The following ZDHHC18 variants were observed in gnomAD, a reference collection of about 807,000 sequenced individuals.
The protein encoded by ZDHHC18 is palmitoyltransferase ZDHHC18.
A neutral mutation model predicts 37.5 loss-of-function variants in ZDHHC18; 23 were observed. That is an observed-to-expected ratio of 0.61 (90% CI 0.44 to 0.87). The LOEUF is 0.87. ZDHHC18 is among the 40% of genes least tolerant of loss of function. ZDHHC18 has a pLI of 0.00. For synonymous variants in ZDHHC18, 185 were observed against 218.7 expected (o/e 0.85, Z 1.36); for missense variants, 406 against 525.6 (o/e 0.77, Z 2.22).
chr1:26,846,958 T>C (rs6686271), intron 2 of ZDHHC18, among the ~76,000 whole-genome samples: 29,023 of 151,386 alleles, frequency 0.19, 3,260 homozygotes, highest in African/African-American at 0.31. Context: ...TGCAGTGGCA[T>C]GATCTCGGCT....
At chr1:26,829,984 G>A (rs2081580486) in intron 1 of ZDHHC18, among the ~76,000 whole-genome samples, 1 of 152,228 alleles carries the variant, frequency 6.6e-6, no homozygotes, top group Admixed American at 6.5e-5. Flanking sequence ...GACACTGAGC[G>A]CCCACTGGTT....
In ZDHHC18 at chr1:26,851,204, C is replaced by T. The variant is rs190356204; in HGVS notation, c.909C>T (p.Val303=). The change falls in exon 6 of 8, where the codon GTC becomes GTT. Residue 303 remains valine, a synonymous_variant. Coordinates refer to ENST00000374142, the MANE Select transcript of ZDHHC18 (RefSeq NM_032283.3). The stretch of plus-strand genomic sequence containing the variant: ...TCTCAGGGTTTCACACGTACCTCGT[C>T]GCCTCCAACCTGACTACTAATGAAG... The part of the protein sequence containing the change: ...LGLSGFHTYL[V]ASNLTTNEDI... The T allele has an allele frequency of 5.4e-5, 87 of 1,614,192 alleles. No individual in the cohort carries two copies. In the East Asian group the frequency reaches 8.2e-4, roughly 15 times the overall value.
intron 2 of ZDHHC18, among the ~76,000 whole-genome samples, chr1:26,842,720 G>T (rs945030636): frequency 6.6e-6 from 1 of 152,246 alleles, no homozygotes; most frequent in African/African-American, 2.4e-5. Context: ...AGTCAAGGTG[G>T]TGATGAAACA....
At position 26,855,164 on chromosome 1, in the gene ZDHHC18, T is replaced by G. The variant is rs916172048; in HGVS notation, c.*1321T>G. 2.6e-5 allele frequency: 4 copies of G among 152,250 alleles called. No individual in the cohort carries two copies. In the East Asian group the frequency reaches 7.7e-4, roughly 29 times the overall value. The allele number at this position is 152,250 out of a possible 1,614,324, so 9.4% of individuals were successfully genotyped here. ...ACAGGCTGAGCCTGGGCGTGGTGGG[T>G]GGGGTGATGGCTCTGGGGAGCGGCT... On this transcript the variant is annotated 3_prime_UTR_variant, in exon 8 of 8. Transcript: ENST00000374142.
At chr1:26,835,811 GT>G (rs2081608989) in intron 2 of ZDHHC18, among the ~76,000 whole-genome samples, 1 of 152,218 alleles carries the variant, frequency 6.6e-6, no homozygotes, top group African/African-American at 2.4e-5. Flanking sequence ...TGCTGTTCAT[GT>G]GAGCATGAAC....
chr1:26,846,395 C>T (rs1461956586), intron 2 of ZDHHC18, among the ~76,000 whole-genome samples: 1 of 129,294 alleles, frequency 7.7e-6, no homozygotes, highest in Admixed American at 8.9e-5. Context: ...GGCCCAATCT[C>T]GGCTCACTGC....
chr1:26,827,895 C>A (rs2081566179), intron 1 of ZDHHC18, among the ~76,000 whole-genome samples: 1 of 152,170 alleles, frequency 6.6e-6, no homozygotes, highest in South Asian at 2.1e-4. Context: ...AGGCCCCTGG[C>A]CCCCCTGCTG....
chr1:26,843,388 G>A (rs1032441842), intron 2 of ZDHHC18, among the ~76,000 whole-genome samples: 2 of 149,460 alleles, frequency 1.3e-5, no homozygotes, highest in South Asian at 2.2e-4. Context: ...TGATCCACCC[G>A]TCTCAGCCTC....
chr1:26,831,853 C>T (rs12760759), intron 1 of ZDHHC18, among the ~76,000 whole-genome samples: 8,584 of 152,234 alleles, frequency 0.056, 309 homozygotes, highest in Non-Finnish European at 0.079. Context: ...GGATTGTCTC[C>T]TTCAGGTTGC....
rs2081559719 is a variant in ZDHHC18, at chr1:26,826,921, GCCCGCCGCCCCCGC to G, written c.126_139del (p.Pro43LeufsTer65). On this transcript the variant is annotated frameshift_variant, in exon 1 of 8. Transcript: ENST00000374142. LOFTEE classifies it high-confidence loss of function. This position sits in a 1 kb window ranked among gnomAD's most constrained non-coding sequence, Gnocchi z 5.2. ...CGACTCCGGGCCCCGGGCCCGCGCC[GCCCGCCGCCCCCGC>G]CCCGCCGCGCTGGAGCAGCAGCGGC... is the stretch of plus-strand genomic sequence containing the variant. 2.0e-6 allele frequency: 2 copies of G among 1,017,528 alleles called. No homozygotes were observed. The highest frequency in any genetic ancestry group is 5.9e-5 in the Admixed American group (1 of 16,856). The allele number at this position is 1,017,528 out of a possible 1,614,324, so 63.0% of individuals were successfully genotyped here.
chr1:26,853,540 C>G (rs770857232), intron 7 of ZDHHC18, among the ~76,000 whole-genome samples, 186 bp from the exon 8 acceptor site: 2 of 152,218 alleles, frequency 1.3e-5, no homozygotes, highest in Non-Finnish European at 2.9e-5. Flanking sequence ...GCCAGGTGGC[C>G]AGAGGGCAGA....
rs533766191 is a variant in ZDHHC18 at position 26,835,947 on chromosome 1, G to A, written c.496+3340G>A. ...CCCTGTGGGGACAGTCTGAGGTAGA[G>A]TGACCAGCTCCTCCCAGTTTACCCA... On this transcript the variant is annotated intron_variant, in intron 2 of 7. Transcript: ENST00000374142. Among the ~76,000 whole-genome samples, 6 of 152,260 alleles carry A rather than the reference G, an allele frequency of 3.9e-5. No homozygotes were observed. The South Asian group carries it at 1.2e-3, about 32-fold the overall frequency.
At chr1:26,846,371 G>A in intron 2 of ZDHHC18, among the ~76,000 whole-genome samples, 1 of 117,084 alleles carries the variant, frequency 8.5e-6, no homozygotes, top group Non-Finnish European at 1.6e-5. Context: ...CTGTCTCCCA[G>A]GCTGGAGTGC....
Position 26,826,774 on chromosome 1 carries a change from G to T in ZDHHC18, c.-31G>T. On this transcript the variant is annotated 5_prime_UTR_variant, in exon 1 of 8. Transcript: ENST00000374142. This position sits in a 1 kb window ranked among gnomAD's most constrained non-coding sequence, Gnocchi z 5.2. Reference sequence around the variant, plus strand: ...CCCGGAGTGGCCCGGCCGGCCCGCGGGGCGCGGAGCCGAGGCCCGCGGCTG... The same window carrying T: ...CCCGGAGTGGCCCGGCCGGCCCGCGTGGCGCGGAGCCGAGGCCCGCGGCTG... 1 of 969,330 alleles carries T rather than the reference G, an allele frequency of 1.0e-6. No homozygotes were observed. Among genetic ancestry groups the T allele is most frequent in the South Asian group, 4.6e-5 (1 of 21,850 alleles). 60.0% of individuals were successfully genotyped at this position (969,330 alleles called of 1,614,324 possible).
chr1:26,832,465 C>T lies in ZDHHC18; in HGVS notation c.354C>T (p.Arg118=), dbSNP rs190999121. The T allele has an allele frequency of 8.1e-6, 13 of 1,614,034 alleles. No individual in the cohort carries two copies. In the Admixed American group the frequency reaches 1.2e-4, roughly 14 times the overall value. The change falls in exon 2 of 8, where the codon CGC becomes CGT. Residue 118 remains arginine (R), a synonymous_variant. Coordinates refer to ENST00000374142, the MANE Select transcript of ZDHHC18 (RefSeq NM_032283.3). ...GTTCTAGCTGTCCCTACCTGGCTCG[C>T]AAGCTGACCCTTGCCATCCCCATCA... The part of the protein sequence containing the change: ...FFVFDCPYLA[R]KLTLAIPIIA...
intron 2 of ZDHHC18, among the ~76,000 whole-genome samples, chr1:26,846,288 G>GTA (rs1452291069): frequency 0.059 from 3,113 of 52,946 alleles, 262 homozygotes; most frequent in East Asian, 0.22. Flanking sequence ...GTGTGTGTGT[G>GTA]TGTATATATA....
chr1:26,842,083 A>T (rs974254900), intron 2 of ZDHHC18, among the ~76,000 whole-genome samples: 1 of 151,616 alleles, frequency 6.6e-6, no homozygotes, highest in African/African-American at 2.4e-5. Flanking sequence ...GCAGTGAGCC[A>T]AGATCGCGCC....
rs138057492 is a variant in ZDHHC18 at position 26,837,779 on chromosome 1, C to A, written c.496+5172C>A. 4.5e-4 allele frequency among the ~76,000 whole-genome samples: 68 copies of A among 151,938 alleles called. 2 individuals are homozygous for A. In the East Asian group the frequency reaches 0.011, roughly 25 times the overall value. ...ACAGGCATGATCCACCGTGCCCAGC[C>A]CCTCTTCTATCTTCTTGAAAACTCA... On this transcript the variant is annotated intron_variant, in intron 2 of 7. Coordinates refer to ENST00000374142, the MANE Select transcript of ZDHHC18 (RefSeq NM_032283.3).
chr1:26,827,796 C>T (rs138513307), intron 1 of ZDHHC18, among the ~76,000 whole-genome samples: 4 of 152,252 alleles, frequency 2.6e-5, no homozygotes, highest in Admixed American at 1.3e-4. Context: ...CCTCTCGGGC[C>T]CCCTTTCCTT....
Sources: allele counts gnomAD v4.1 joint callset (sites outside exome capture counted in the v4.1 genomes callset), GRCh38; gene constraint gnomAD v4.1.1; non-coding constraint Gnocchi (gnomAD v3.1); transcripts MANE v1.5; gene names NCBI Gene and HGNC (gene_info 2026-07-23, HGNC 2026-07-21).